The following KLHL5 variants were observed in gnomAD, a reference collection of about 807,000 sequenced individuals.
KLHL5 encodes kelch like family member 5, also known as kelch-like protein 5.
In KLHL5, 48 loss-of-function variants were observed where a neutral mutation model predicts 77.7. The ratio of observed to expected loss-of-function variants is 0.62; its 90% CI spans 0.49 to 0.79. KLHL5 has a LOEUF of 0.79. Among genes scored for constraint, KLHL5 ranks in the 30% least tolerant of loss-of-function variants. The probability of loss-of-function intolerance (pLI) is 0.00; values close to 1 mark genes in which losing one functional copy is unlikely to be tolerated. For missense variants in KLHL5, 723 were observed against 859.7 expected, an observed-to-expected ratio of 0.84 and a Z score of 1.99; for synonymous variants, 260 against 297.0, an observed-to-expected ratio of 0.88 and a Z score of 1.28.
intron 7 of KLHL5, among the ~76,000 whole-genome samples, chr4:39,106,952 C>T (rs530672111): frequency 7.9e-5 from 12 of 151,636 alleles, no homozygotes; most frequent in Admixed American, 2.0e-4. Context: ...CTGTGTTGCC[C>T]AGGCTGACCT....
chr4:39,127,907 G>A (rs559595966), downstream of KLHL5, among the ~76,000 whole-genome samples: 16 of 152,216 alleles, frequency 1.1e-4, no homozygotes, highest in East Asian at 2.3e-3. Flanking sequence ...GAAAAATGTT[G>A]GGTAATAAGT....
At chr4:39,111,229 T>A (rs1722437622) in intron 8 of KLHL5, among the ~76,000 whole-genome samples, 1 of 152,228 alleles carries the variant, frequency 6.6e-6, no homozygotes, top group African/African-American at 2.4e-5. Flanking sequence ...TATGCCATGA[T>A]TATCATGTAC....
At chr4:39,097,804 A>T (rs1469637501) in intron 6 of KLHL5, among the ~76,000 whole-genome samples, 1 of 152,160 alleles carries the variant, frequency 6.6e-6, no homozygotes, top group Non-Finnish European at 1.5e-5. Flanking sequence ...AAATCCAAAC[A>T]AGGTCTGTAG....
At chr4:39,103,260 A>C in intron 6 of KLHL5, 27 bp from the exon 7 acceptor site, 1 of 1,496,494 alleles carries the variant, frequency 6.7e-7, no homozygotes, top group Non-Finnish European at 9.2e-7. Context: ...ATTTCTATTT[A>C]CATAACTTCT....
At chr4:39,058,501 C>G (rs375828164), upstream of KLHL5, among the ~76,000 whole-genome samples, 1 of 151,950 alleles carries the variant, frequency 6.6e-6, no homozygotes, top group African/African-American at 2.4e-5. Context: ...CCTGTAGTCC[C>G]AGTTACCTGG....
intron 5 of KLHL5, among the ~76,000 whole-genome samples, chr4:39,092,750 C>T (rs965818684): frequency 3.3e-5 from 5 of 152,102 alleles, no homozygotes; most frequent in African/African-American, 1.2e-4. Flanking sequence ...TTTCTCTCTT[C>T]GTCTATAAAA....
intron 5 of KLHL5, among the ~76,000 whole-genome samples, chr4:39,094,679 A>T (rs530280680): frequency 4.0e-5 from 6 of 151,078 alleles, no homozygotes; most frequent in Admixed American, 2.6e-4. Flanking sequence ...AATAAAGAAT[A>T]AAAAAAAACA....
At chr4:39,101,617 G>A (rs1721551712) in intron 6 of KLHL5, among the ~76,000 whole-genome samples, 1 of 152,038 alleles carries the variant, frequency 6.6e-6, no homozygotes, top group Admixed American at 6.6e-5. Context: ...GGAGGCCAAG[G>A]CGGGAGGATC....
At chr4:39,110,037 C>G (rs1722341343) in intron 8 of KLHL5, among the ~76,000 whole-genome samples, 1 of 152,142 alleles carries the variant, frequency 6.6e-6, no homozygotes, top group African/African-American at 2.4e-5. Flanking sequence ...CTCAGGCTAC[C>G]TTTAAGCCAC....
chr4:39,064,168 A>G (rs1717681203), intron 1 of KLHL5, among the ~76,000 whole-genome samples: 1 of 152,132 alleles, frequency 6.6e-6, no homozygotes, highest in South Asian at 2.1e-4. Flanking sequence ...AACCTTAAGA[A>G]TGTGGACTTG....
At chr4:39,126,736 G>T, downstream of KLHL5, 1 of 456,136 alleles carries the variant, frequency 2.2e-6, no homozygotes, top group South Asian at 1.5e-5. Context: ...TCACCTGGTG[G>T]CCATCAAGCA....
chr4:39,073,103 T>C (rs971479341), intron 1 of KLHL5, among the ~76,000 whole-genome samples: 2 of 152,184 alleles, frequency 1.3e-5, no homozygotes, highest in African/African-American at 4.8e-5. Flanking sequence ...TAAAAAATTA[T>C]TTTTAAAATA....
chr4:39,135,136 A>G, the KLHL5 span, among the ~76,000 whole-genome samples: 1 of 152,226 alleles, frequency 6.6e-6, no homozygotes, highest in African/African-American at 2.4e-5. Context: ...CTTTTGCCCT[A>G]CTGGAGCTAA....
chr4:39,069,447 TATATATATATATATATATATATATATAC>T (rs747720602), intron 1 of KLHL5, among the ~76,000 whole-genome samples: 6,895 of 47,554 alleles, frequency 0.14, 268 homozygotes, highest in African/African-American at 0.19. Flanking sequence ...TATATATATA[TATATATATATATATATATATATATATAC>T]ACACACACAC....
At chr4:39,135,394 CA>C in the KLHL5 span, 1 of 152,320 alleles carries the variant, frequency 6.6e-6, no homozygotes, top group Admixed American at 6.5e-5. Context: ...TTTCTCGCTG[CA>C]AACACAACCC....
At chr4:39,082,759 C>G (rs1270042252) in intron 4 of KLHL5, among the ~76,000 whole-genome samples, 1 of 152,184 alleles carries the variant, frequency 6.6e-6, no homozygotes, top group African/African-American at 2.4e-5. Flanking sequence ...GACAAACCTT[C>G]ACATGTACCC....
At chr4:39,093,564 T>C (rs1720784757) in intron 5 of KLHL5, 1 of 383,340 alleles carries the variant, frequency 2.6e-6, no homozygotes, top group Admixed American at 3.3e-5. Flanking sequence ...AAGGATACAC[T>C]CTGACCAGAA....
chr4:39,077,028 G>A (rs1303675996), intron 2 of KLHL5, among the ~76,000 whole-genome samples: 2 of 148,830 alleles, frequency 1.3e-5, no homozygotes, highest in South Asian at 2.2e-4. Context: ...CTGTACATCC[G>A]ACAAAGGACT....
chr4:39,121,284 G>A lies in KLHL5; in HGVS notation c.*218G>A, dbSNP rs1465680637. 7.1e-6 allele frequency: 4 copies of A among 566,496 alleles called. No homozygotes were observed. The highest frequency in any genetic ancestry group is 2.1e-5 in the South Asian group (1 of 46,920). The allele number at this position is 566,496 out of a possible 1,614,324, so 35.1% of individuals were successfully genotyped here. A position where few individuals can be genotyped will look rare whatever the true frequency, so the allele number is the denominator to read the frequency against. On this transcript the variant is annotated 3_prime_UTR_variant, in exon 11 of 11. Coordinates refer to ENST00000504108, the MANE Select transcript of KLHL5 (RefSeq NM_015990.5). ...TAGTAAATTAAAACCTGCAGCTGGT[G>A]GATTGTGATCACACATTCCCGAAGT...
Sources: gnomAD v4.1 joint callset for allele counts (sites outside exome capture counted in the v4.1 genomes callset) on GRCh38, gnomAD v4.1.1 for gene constraint, MANE v1.5 for transcripts, NCBI Gene and HGNC (gene_info 2026-07-23, HGNC 2026-07-21) for gene names.